Variants in PTBP2 observed in about 807,000 individuals in gnomAD.
The protein encoded by PTBP2 is polypyrimidine tract-binding protein 2.
Under a neutral mutation model 61.4 loss-of-function variants are expected in PTBP2, and 13 were observed. The observed-to-expected ratio is 0.21, with a 90% CI of 0.14 to 0.34. The LOEUF is 0.34. PTBP2 is among the 10% of genes least tolerant of loss of function. PTBP2 has a pLI of 1.00. For synonymous variants in PTBP2, 215 were observed against 218.5 expected, an observed-to-expected ratio of 0.98 and a Z score of 0.14; for missense variants, 405 against 642.6, an observed-to-expected ratio of 0.63 and a Z score of 4.00.
At chr1:96,794,285 A>G (rs893865456) in intron 8 of PTBP2, among the ~76,000 whole-genome samples, 3 of 152,200 alleles carry the variant, frequency 2.0e-5, no homozygotes, top group African/African-American at 7.2e-5. Context: ...CTGCATAAAG[A>G]TAGGTTTAAA....
chr1:96,787,210 T>C (rs1202444565), intron 8 of PTBP2, among the ~76,000 whole-genome samples: 1 of 151,522 alleles, frequency 6.6e-6, no homozygotes, highest in Non-Finnish European at 1.5e-5. Context: ...TTCGTAGAGA[T>C]GAGATTTCAC....
chr1:96,744,037 A>C (rs1653411794), intron 2 of PTBP2, among the ~76,000 whole-genome samples: 1 of 152,138 alleles, frequency 6.6e-6, no homozygotes. Context: ...CTAAAAATAC[A>C]AAAATTAGCC....
In PTBP2 at chr1:96,751,430, A is replaced by G. The variant is rs1654524469; in HGVS notation, c.45A>G (p.Gly15=). Residue 15 remains glycine (G), a synonymous_variant, in exon 3 of 14, where the codon GGA becomes GGG. Coordinates refer to ENST00000674951, the MANE Select transcript of PTBP2 (RefSeq NM_021190.4). ...VTEVAVGVKR[G]SDELLSGSVL... is the part of the protein sequence containing the mutation. ...ATTTGTTTTTGTTTTCATAGAGAGG[A>G]TCTGACGAACTACTCTCAGGCAGTG... The G allele has an allele frequency of 1.9e-6, 3 of 1,611,764 alleles. No homozygotes were observed. Among genetic ancestry groups the G allele is most frequent in the South Asian group, 2.2e-5 (2 of 90,868 alleles).
exon 14 of PTBP2, chr1:96,820,290 T>C (rs1662640296): frequency 1.3e-5 from 2 of 152,122 alleles, no homozygotes; most frequent in African/African-American, 4.8e-5. Context: ...ACATTTGCTA[T>C]GTACGTTGGA....
In PTBP2 at chr1:96,804,934, G is replaced by A. The variant is rs908683216; in HGVS notation, c.1039G>A (p.Glu347Lys). Residue 347 changes from glutamate to lysine, a missense_variant, in exon 9 of 14, where the codon GAA becomes AAA. By Grantham distance (56) the Glu-to-Lys change is moderately conservative (BLOSUM62 1). Transcript: ENST00000674951. Reference sequence around the variant, plus strand: ...AGTCCTGTTGGTTAGCAATTTAAATGAAGAGGTTAGTAAAATAATCTCTAA... The same window carrying A: ...AGTCCTGTTGGTTAGCAATTTAAATAAAGAGGTTAGTAAAATAATCTCTAA... Reference protein sequence around the residue: ...NTVLLVSNLNEEMVTPQSLFT... With the variant: ...NTVLLVSNLNKEMVTPQSLFT... The A allele has an allele frequency of 6.3e-6, 10 of 1,585,914 alleles. No homozygotes were observed. The highest frequency in any genetic ancestry group is 2.7e-5 in the African/African-American group (2 of 74,096).
chr1:96,764,349 A>G (rs1656405647), intron 3 of PTBP2, among the ~76,000 whole-genome samples: 1 of 152,242 alleles, frequency 6.6e-6, no homozygotes, highest in Non-Finnish European at 1.5e-5. Context: ...CCTAAGTAGC[A>G]TTAGAATTTG....
intron 11 of PTBP2, among the ~76,000 whole-genome samples, chr1:96,808,225 G>A (rs999493658): frequency 1.3e-4 from 20 of 151,564 alleles, no homozygotes; most frequent in African/African-American, 4.9e-4. Flanking sequence ...AGTCTGCTTG[G>A]GCTGCTGTAA....
Position 96,728,043 on chromosome 1 carries a change from G to A in PTBP2, c.39+4449G>A, listed in dbSNP as rs144336445. Among the ~76,000 whole-genome samples, 210 of 152,136 alleles carry A rather than the reference G, an allele frequency of 1.4e-3. 2 individuals carry two copies. The highest frequency in any genetic ancestry group is 4.6e-3 in the African/African-American group (190 of 41,524). Reference sequence around the variant, plus strand: ...CTGACTCTGTCACCCCAGCTGGAGTGCAGTGGTGCAATCGTAGCTCATGAT... The same window carrying A: ...CTGACTCTGTCACCCCAGCTGGAGTACAGTGGTGCAATCGTAGCTCATGAT... On this transcript the variant is annotated intron_variant, in intron 2 of 13. Coordinates refer to ENST00000674951, the MANE Select transcript of PTBP2 (RefSeq NM_021190.4).
intron 1 of PTBP2, among the ~76,000 whole-genome samples, chr1:96,723,136 A>G (rs1052705191): frequency 6.6e-6 from 1 of 152,162 alleles, no homozygotes; most frequent in African/African-American, 2.4e-5. Context: ...AGATGAAACA[A>G]ATCCAGAGAA....
chr1:96,772,354 A>G (rs1282039036), intron 5 of PTBP2, among the ~76,000 whole-genome samples: 1 of 152,232 alleles, frequency 6.6e-6, no homozygotes, highest in African/African-American at 2.4e-5. Flanking sequence ...GCCAGCCATC[A>G]GTCAACTCAT....
At chr1:96,739,211 T>TA (rs1413388080) in intron 2 of PTBP2, among the ~76,000 whole-genome samples, 8 of 152,184 alleles carry the variant, frequency 5.3e-5, no homozygotes, top group Non-Finnish European at 1.2e-4. Flanking sequence ...TTAATATTGA[T>TA]AAAGTTATTA....
Position 96,814,979 on chromosome 1 carries a change from G to A in PTBP2, c.*1574G>A, listed in dbSNP as rs1662410798. The stretch of plus-strand genomic sequence containing the variant: ...GAATTCATGTTTATTCTCTGCCAGG[G>A]TGGGAAAGGAGTAATAATATTACAA... On this transcript the variant is annotated 3_prime_UTR_variant, in exon 14 of 14. Coordinates refer to ENST00000674951, the MANE Select transcript of PTBP2 (RefSeq NM_021190.4). 1 of 152,308 alleles carries A rather than the reference G, an allele frequency of 6.6e-6. No homozygotes were observed. The highest frequency in any genetic ancestry group is 1.5e-5 in the Non-Finnish European group (1 of 67,958). The allele number at this position is 152,308 out of a possible 1,614,324, so 9.4% of individuals were successfully genotyped here.
At chr1:96,740,498 T>C (rs1263965466) in intron 2 of PTBP2, among the ~76,000 whole-genome samples, 1 of 152,108 alleles carries the variant, frequency 6.6e-6, no homozygotes, top group Non-Finnish European at 1.5e-5. Context: ...TGTTTCAAAA[T>C]TGCATCACAT....
Position 96,777,965 on chromosome 1 carries a change from A to T in PTBP2, c.708+19A>T, listed in dbSNP as rs772368527. 1 of 1,409,958 alleles carries T rather than the reference A, an allele frequency of 7.1e-7. No individual in the cohort carries two copies. Among genetic ancestry groups the T allele is most frequent in the East Asian group, 2.3e-5 (1 of 43,118 alleles). 87.3% of individuals were successfully genotyped at this position (1,409,958 alleles called of 1,614,324 possible). A position where few individuals can be genotyped will look rare whatever the true frequency, so the allele number is the denominator to read the frequency against. ...AAAACTAGTAAGTCTTTCTTTTGAG[A>T]TGGTGATTTTTTTTTATTGAAATGT... is the stretch of plus-strand genomic sequence containing the variant. On this transcript the variant is annotated intron_variant, in intron 7 of 13. Transcript: ENST00000674951.
At chr1:96,791,826 C>CTTTTTTTTG (rs1482989030) in intron 8 of PTBP2, among the ~76,000 whole-genome samples, 3,745 of 65,970 alleles carry the variant, frequency 0.057, 276 homozygotes, top group East Asian at 0.14. Flanking sequence ...TGGAGTTGTG[C>CTTTTTTTTG]TTTTTTTTTT....
intron 3 of PTBP2, among the ~76,000 whole-genome samples, chr1:96,765,379 T>A (rs1397767205): frequency 6.6e-6 from 1 of 152,190 alleles, no homozygotes; most frequent in African/African-American, 2.4e-5. Context: ...GTTGAAAGTA[T>A]AACGGTGAAT....
At chr1:96,793,298 ATG>A (rs1660039609) in intron 8 of PTBP2, among the ~76,000 whole-genome samples, 1 of 152,212 alleles carries the variant, frequency 6.6e-6, no homozygotes, top group African/African-American at 2.4e-5. Flanking sequence ...AAGTCTTAAA[ATG>A]TGTCTTTTGG....
intron 2 of PTBP2, among the ~76,000 whole-genome samples, chr1:96,735,839 A>G (rs772493028): frequency 7.9e-5 from 12 of 152,216 alleles, no homozygotes; most frequent in Non-Finnish European, 2.9e-5. Context: ...TTGAAATGCT[A>G]AAGGCTGATA....
In PTBP2 at chr1:96,777,690, G is replaced by A; in HGVS notation, c.538G>A (p.Val180Ile). Residue 180 changes from valine (V) to isoleucine (I), a missense_variant, in exon 6 of 14, where the codon GTA becomes ATA. By Grantham distance (29) the Val-to-Ile change is conservative (BLOSUM62 3). Around this residue, in one of 4 missense-constraint regions of PTBP2, gnomAD observed 342 missense variants for 491.2 expected, o/e 0.70. Transcript: ENST00000674951. ...TGCAGTGACTCCAGCCCAGAGTCCA[G>A]TACTTAGAATAATTATTGACAACAT... Reference protein sequence around the residue: ...ESAVTPAQSPVLRIIIDNMYY... With the variant: ...ESAVTPAQSPILRIIIDNMYY... 1 of 1,613,014 alleles carries A rather than the reference G, an allele frequency of 6.2e-7. No individual in the cohort carries two copies. The highest frequency in any genetic ancestry group is 8.5e-7 in the Non-Finnish European group (1 of 1,179,316).
Sources: gnomAD v4.1 joint callset for allele counts (sites outside exome capture counted in the v4.1 genomes callset) on GRCh38, gnomAD v4.1.1 for gene constraint, gnomAD v4.1.1 regional missense constraint, MANE v1.5 for transcripts, NCBI Gene and HGNC (gene_info 2026-07-23, HGNC 2026-07-21) for gene names.